The following PML variants were observed in gnomAD, a reference collection of about 807,000 sequenced individuals.
The protein encoded by PML is PML nuclear body scaffold.
PML carries 28 observed loss-of-function variants against 65.2 expected under a neutral mutation model. The observed-to-expected ratio is 0.43, with a 90% CI of 0.32 to 0.59. The LOEUF is 0.59. Among genes scored for constraint, PML ranks in the 20% least tolerant of loss-of-function variants. The pLI, the probability that PML is intolerant of heterozygous loss-of-function variation, is 0.08. For synonymous variants in PML, 500 were observed against 508.8 expected, an observed-to-expected ratio of 0.98 and a Z score of 0.23; for missense variants, 1,021 against 1,203.4, an observed-to-expected ratio of 0.85 and a Z score of 2.24.
At chr15:74,036,098 T>A in intron 7 of PML, 1 of 1,613,574 alleles carries the variant, frequency 6.2e-7, no homozygotes, top group Non-Finnish European at 8.5e-7. Context: ...TGAATGGCTA[T>A]GCATGGACCT....
chr15:74,032,844 G>A lies in PML; in HGVS notation c.1398+129G>A, dbSNP rs144166683. 3.4e-4 allele frequency: 329 copies of A among 976,072 alleles called. 1 individual carries two copies. The highest frequency in any genetic ancestry group is 2.7e-3 in the East Asian group (105 of 39,124). 60.5% of individuals were successfully genotyped at this position (976,072 alleles called of 1,614,324 possible). A position where few individuals can be genotyped will look rare whatever the true frequency, so the allele number is the denominator to read the frequency against. On this transcript the variant is annotated intron_variant, in intron 5 of 8. Coordinates refer to ENST00000268058, the MANE Select transcript of PML (RefSeq NM_033238.3). ...CTTTGTGGGAAAGTGTTTGCTCAAC[G>A]CCTTCTCTGTGCTCTCCCCTGTTCT...
intron 2 of PML, among the ~76,000 whole-genome samples, chr15:74,001,272 C>T (rs1430879686): frequency 6.6e-6 from 1 of 151,780 alleles, no homozygotes; most frequent in Admixed American, 6.6e-5. Context: ...TTCCTTCTAA[C>T]TTTTGTCATT....
chr15:74,014,641 A>G (rs1040807715), intron 2 of PML, among the ~76,000 whole-genome samples: 3 of 151,828 alleles, frequency 2.0e-5, no homozygotes, highest in Non-Finnish European at 4.4e-5. Context: ...GGGTGCCTAT[A>G]GTCCCAGCTA....
At chr15:74,033,648 CTA>C in intron 6 of PML, 1 of 680,130 alleles carries the variant, frequency 1.5e-6, no homozygotes, top group Non-Finnish European at 2.7e-6. Context: ...ATGCACAGTT[CTA>C]TGAGTCCTTT....
chr15:74,034,815 G>A (rs944456267), intron 7 of PML: 2 of 1,437,438 alleles, frequency 1.4e-6, no homozygotes, highest in African/African-American at 2.9e-5. Flanking sequence ...TTTGTCTGGA[G>A]CTTCCTTATG....
At chr15:74,004,618 A>G (rs893600537) in intron 2 of PML, among the ~76,000 whole-genome samples, 4 of 151,606 alleles carry the variant, frequency 2.6e-5, no homozygotes, top group Non-Finnish European at 5.9e-5. Context: ...TCTTTATATA[A>G]TTTTTTCTTT....
At chr15:74,005,430 AT>A (rs1423066483) in intron 2 of PML, among the ~76,000 whole-genome samples, 3 of 146,992 alleles carry the variant, frequency 2.0e-5, no homozygotes, top group East Asian at 2.0e-4. Context: ...CATCTTTTAA[AT>A]TTTTTCCCCA....
chr15:74,012,565 C>T (rs887757079), intron 2 of PML, among the ~76,000 whole-genome samples: 4 of 152,232 alleles, frequency 2.6e-5, no homozygotes, highest in African/African-American at 9.6e-5. Context: ...CCACCTGGGC[C>T]TCCCAAAGTG....
chr15:74,037,817 T>G lies in PML; in HGVS notation c.1710+3287T>G. On this transcript the variant is annotated intron_variant, in intron 7 of 8. Coordinates refer to ENST00000268058, the MANE Select transcript of PML (RefSeq NM_033238.3). The surrounding 1 kb of genome is among the most constrained non-coding windows in gnomAD (Gnocchi z 4.2). ...GCTGGGCCCTTTCCTCTTTTCAGTC[T>G]GTGTATTCTCCCAGGTGCTCTCAGC... 1 of 673,066 alleles carries G rather than the reference T, an allele frequency of 1.5e-6. No individual in the cohort carries two copies. Among genetic ancestry groups the G allele is most frequent in the Non-Finnish European group, 1.8e-6 (1 of 544,712 alleles). The allele number at this position is 673,066 out of a possible 1,614,324, so 41.7% of individuals were successfully genotyped here.
At chr15:74,016,467 A>C (rs1181810566) in intron 2 of PML, among the ~76,000 whole-genome samples, 1 of 152,094 alleles carries the variant, frequency 6.6e-6, no homozygotes, top group East Asian at 1.9e-4. Flanking sequence ...GAAACAATAC[A>C]TCCCAGAGAC....
At position 74,037,471 on chromosome 15, in the gene PML, C is replaced by T; in HGVS notation, c.1710+2941C>T. The stretch of plus-strand genomic sequence containing the variant: ...ATCCACTGCCTTCTGAACTAAACAC[C>T]CTGAATGAGGTCTTTCTCATCTCAG... On this transcript the variant is annotated intron_variant, in intron 7 of 8. Transcript: ENST00000268058. The surrounding 1 kb of genome is among the most constrained non-coding windows in gnomAD (Gnocchi z 4.2). 1 of 985,318 alleles carries T rather than the reference C, an allele frequency of 1.0e-6. No homozygotes were observed. The highest frequency in any genetic ancestry group is 1.2e-6 in the Non-Finnish European group (1 of 829,900). 61.0% of individuals were successfully genotyped at this position (985,318 alleles called of 1,614,324 possible).
Position 74,019,449 on chromosome 15 carries a change from C to G in PML, c.603-3379C>G, listed in dbSNP as rs2070739092. On this transcript the variant is annotated intron_variant, in intron 2 of 8. Coordinates refer to ENST00000268058, the MANE Select transcript of PML (RefSeq NM_033238.3). The stretch of plus-strand genomic sequence containing the variant: ...TTATTAGTATTCTGTTTTTTAATTT[C>G]AAAAAAAGGAATACATTCATACATT... Among the ~76,000 whole-genome samples the G allele has an allele frequency of 5.3e-5, 8 of 151,990 alleles. 1 individual carries two copies. The South Asian group carries it at 1.7e-3, about 32-fold the overall frequency.
rs189024089 is a variant in PML at position 74,036,853 on chromosome 15, G to A, written c.1710+2323G>A. ...GCCCCGTGGCCGTGCCCTGCACCTT[G>A]CCATCACCGAGCACTGTCGGTCCCT... On this transcript the variant is annotated intron_variant, in intron 7 of 8. Transcript: ENST00000268058. 4.9e-4 allele frequency: 398 copies of A among 819,568 alleles called. 9 individuals are homozygous for A. The East Asian group carries it at 0.037, about 76-fold the overall frequency. 50.8% of individuals were successfully genotyped at this position (819,568 alleles called of 1,614,324 possible).
chr15:73,998,110 G>C lies in PML; in HGVS notation c.236G>C (p.Gly79Ala), dbSNP rs748429878. ...LLPCLHTLCS[G>A]CLEASGMQCP... ...CCTTGTCTGCACACGCTGTGCTCAG[G>C]ATGCCTGGAGGCGTCGGGCATGCAG... The change falls in exon 2 of 9, where the codon GGA (glycine) becomes GCA (alanine). Residue 79 changes from glycine to alanine, a missense_variant. Physicochemically the swap from Gly to Ala is moderately conservative, Grantham distance 60. Coordinates refer to ENST00000268058, the MANE Select transcript of PML (RefSeq NM_033238.3). 1.2e-6 allele frequency: 2 copies of C among 1,613,960 alleles called. No individual in the cohort carries two copies. Among genetic ancestry groups the C allele is most frequent in the Non-Finnish European group, 1.7e-6 (2 of 1,180,014 alleles).
At position 73,998,495 on chromosome 15, in the gene PML, G is replaced by T. The variant is rs780683954; in HGVS notation, c.602+19G>T. On this transcript the variant is annotated intron_variant, in intron 2 of 8. Coordinates refer to ENST00000268058, the MANE Select transcript of PML (RefSeq NM_033238.3). Reference sequence around the variant, plus strand: ...TGACCAGGTGAGTAGGCCGGCACAGGGTGGGGTGGTGCATCCAAGTACCAG... The same window carrying T: ...TGACCAGGTGAGTAGGCCGGCACAGTGTGGGGTGGTGCATCCAAGTACCAG... The T allele has an allele frequency of 1.9e-6, 3 of 1,597,158 alleles. No homozygotes were observed. The highest frequency in any genetic ancestry group is 2.6e-6 in the Non-Finnish European group (3 of 1,166,008).
Position 74,023,391 on chromosome 15 carries a change from G to C in PML, c.1166G>C (p.Cys389Ser). Residue 389 changes from cysteine (C) to serine (S), a missense_variant, in exon 3 of 9, where the codon TGC (cysteine) becomes TCC (serine). Coordinates refer to ENST00000268058, the MANE Select transcript of PML (RefSeq NM_033238.3). ...GTGCGCCTGCAGGACCTCAGCTCTT[G>C]CATCACCCAGGGGAAAGGTAAGCAC... ...FKVRLQDLSSCITQGKDAAVS... is the reference protein window; with the variant it reads ...FKVRLQDLSSSITQGKDAAVS... The C allele has an allele frequency of 6.3e-7, 1 of 1,598,820 alleles. No individual in the cohort carries two copies. Among genetic ancestry groups the C allele is most frequent in the Non-Finnish European group, 8.5e-7 (1 of 1,179,714 alleles).
Position 74,044,943 on chromosome 15 carries a change from G to T in PML, c.2584G>T (p.Ala862Ser). 1.9e-6 allele frequency: 3 copies of T among 1,612,624 alleles called. 1 individual carries two copies. Among genetic ancestry groups the T allele is most frequent in the East Asian group, 2.2e-5 (1 of 44,868 alleles). The change falls in exon 9 of 9, where the codon GCA (alanine) becomes TCA (serine). Residue 862 changes from alanine to serine, a missense_variant. Transcript: ENST00000268058. ...GLLEGPALAR[A>S]EGVSTPLAGR... ...GTTGGAGGGTCCGGCGCTGGCACGG[G>T]CAGAAGGAGTCTCCACCCCACTTGC...
Position 74,043,516 on chromosome 15 carries a change from T to C in PML, c.1861+377T>C, listed in dbSNP as rs1424081845. 2.3e-6 allele frequency: 1 copy of C among 429,784 alleles called. No individual in the cohort carries two copies. Among genetic ancestry groups the C allele is most frequent in the African/African-American group, 2.1e-5 (1 of 46,594 alleles). The allele number at this position is 429,784 out of a possible 1,614,324, so 26.6% of individuals were successfully genotyped here. A position where few individuals can be genotyped will look rare whatever the true frequency, so the allele number is the denominator to read the frequency against. On this transcript the variant is annotated intron_variant, in intron 8 of 8. Transcript: ENST00000268058. This position sits in a 1 kb window ranked among gnomAD's most constrained non-coding sequence, Gnocchi z 4.3. ...TCTGGCTGTGCTACACGTTTCTGAG[T>C]AGAGGGCCAATCCCACAGGTGGCTG...
chr15:74,035,200 C>A lies in PML; in HGVS notation c.1710+670C>A. On this transcript the variant is annotated intron_variant, in intron 7 of 8. Transcript: ENST00000268058. The surrounding 1 kb of genome is among the most constrained non-coding windows in gnomAD (Gnocchi z 4.1). ...ATGGAGCCCATGGAGACCGCCGAGC[C>A]ACAGTCCTCGCCAGCCCACTCCTCG... 1 of 1,451,466 alleles carries A rather than the reference C, an allele frequency of 6.9e-7. No homozygotes were observed. Among genetic ancestry groups the A allele is most frequent in the Non-Finnish European group, 9.7e-7 (1 of 1,031,912 alleles). The allele number at this position is 1,451,466 out of a possible 1,614,324, so 89.9% of individuals were successfully genotyped here.
Sources: allele counts gnomAD v4.1 joint callset (sites outside exome capture counted in the v4.1 genomes callset), GRCh38; gene constraint gnomAD v4.1.1; non-coding constraint Gnocchi (gnomAD v3.1); transcripts MANE v1.5; gene names NCBI Gene and HGNC (gene_info 2026-07-23, HGNC 2026-07-21).